Variants in C5 observed in about 807,000 individuals in gnomAD.
C5 encodes C3 and PZP-like alpha-2-macroglobulin domain-containing protein 4.
A neutral mutation model predicts 218.8 loss-of-function variants in C5; 140 were observed. The observed-to-expected ratio is 0.64, with a 90% CI of 0.56 to 0.74. The LOEUF (loss-of-function observed/expected upper bound fraction) is 0.74. C5 is among the 30% of genes least tolerant of loss of function. The pLI is 0.00. For missense variants in C5, 1,700 were observed against 1,969.6 expected (o/e 0.86, Z 2.59); for synonymous variants, 614 against 682.3 (o/e 0.90, Z 1.56).
intron 4 of C5, 141 bp from the exon 5 acceptor site, chr9:121,035,035 G>C: frequency 1.7e-6 from 1 of 589,814 alleles, no homozygotes; most frequent in East Asian, 2.8e-5. Flanking sequence ...TAAATATGAA[G>C]GATGAAGATC....
chr9:120,982,888 T>C lies in C5; in HGVS notation c.3231-74A>G, dbSNP rs1654325926. ...TTGACTTTCAATTAATTTATACAACTTTATTCTTTAAAAGAAAATAACATT... is the reference window on the plus strand; with the variant it reads ...TTGACTTTCAATTAATTTATACAACCTTATTCTTTAAAAGAAAATAACATT... On this transcript the variant is annotated intron_variant, in intron 25 of 40. Coordinates refer to ENST00000223642, the MANE Select transcript of C5 (RefSeq NM_001735.3). 4.9e-6 allele frequency: 4 copies of C among 815,108 alleles called. No individual in the cohort carries two copies. The South Asian group carries it at 6.4e-5, about 13-fold the overall frequency. 50.5% of individuals were successfully genotyped at this position (815,108 alleles called of 1,614,324 possible).
intron 4 of C5, among the ~76,000 whole-genome samples, chr9:121,035,884 A>G: frequency 6.6e-6 from 1 of 151,998 alleles, no homozygotes; most frequent in South Asian, 2.1e-4. Context: ...CCAGCCTACA[A>G]AAAAATGTTT....
intron 20 of C5, among the ~76,000 whole-genome samples, chr9:121,002,230 G>GTATATGTATATATATGTATATATGTA (rs2047170546): frequency 6.4e-5 from 3 of 47,214 alleles, no homozygotes; most frequent in African/African-American, 1.4e-4. Flanking sequence ...ATATATATAT[G>GTATATGTATATATATGTATATATGTA]TATATATGTA....
intron 32 of C5, among the ~76,000 whole-genome samples, chr9:120,969,391 A>G (rs2046893613): frequency 1.3e-5 from 2 of 152,202 alleles, no homozygotes; most frequent in Admixed American, 1.3e-4. Flanking sequence ...ATGTATTGGT[A>G]ATATGTTTGG....
chr9:120,960,110 C>T (rs757115107), intron 38 of C5, 138 bp downstream of exon 38: 3 of 656,262 alleles, frequency 4.6e-6, no homozygotes, highest in South Asian at 1.7e-5. Flanking sequence ...TGCTAAAAAT[C>T]GATGGCATTT....
rs772235074 is a variant in C5, at chr9:121,017,407, A to G, written c.1821T>C (p.Ser607=). Residue 607 remains serine (S), a synonymous_variant, in exon 14 of 41, where the codon AGT becomes AGC. Transcript: ENST00000223642. ...DSWVALAAVD[S]AVYGVQRGAK... is the part of the protein sequence containing the mutation. ...CTCCTCTTTGGACTCCATACACAGC[A>G]CTGTCCACTGCTGCTAATGCCACCC... is the stretch of plus-strand genomic sequence containing the variant. 15 of 1,614,022 alleles carry G rather than the reference A, an allele frequency of 9.3e-6. No homozygotes were observed. Among genetic ancestry groups the G allele is most frequent in the East Asian group, 2.2e-5 (1 of 44,882 alleles).
rs752630692 is a variant in C5 at position 121,027,152 on chromosome 9, C to T, written c.873+8G>A. ...GTAGGTGTGAGTGACTGTGTCTTAA[C>T]ATCTTACCATTGTGTTTTGCATTGC... On this transcript the variant is annotated splice_region_variant and intron_variant, in intron 8 of 40. Transcript: ENST00000223642. 47 of 1,453,448 alleles carry T rather than the reference C, an allele frequency of 3.2e-5. No homozygotes were observed. The South Asian group carries it at 4.6e-4, about 14-fold the overall frequency. 90.0% of individuals were successfully genotyped at this position (1,453,448 alleles called of 1,614,324 possible).
In C5 at chr9:120,952,767, G is replaced by A. The variant is rs765573116; in HGVS notation, c.5003C>T (p.Ala1668Val). Residue 1668 changes from alanine to valine, a missense_variant, in exon 41 of 41, where the codon GCC (alanine) becomes GTC (valine). Ala to Val is a moderately conservative substitution (Grantham distance 64). Transcript: ENST00000223642. ...QAFLANLDEF[A>V]EDIFLNGC Reference sequence around the variant, plus strand: ...GCATCCATTTAAAAAGATATCTTCGGCAAATTCATCTAAATTAGCTAAAAA... The same window carrying A: ...GCATCCATTTAAAAAGATATCTTCGACAAATTCATCTAAATTAGCTAAAAA... 2 of 1,613,594 alleles carry A rather than the reference G, an allele frequency of 1.2e-6. No individual in the cohort carries two copies. Among genetic ancestry groups the A allele is most frequent in the East Asian group, 4.5e-5 (2 of 44,864 alleles).
chr9:121,043,297 G>A (rs1270734827), intron 2 of C5, 131 bp from the exon 3 acceptor site: 1 of 753,064 alleles, frequency 1.3e-6, no homozygotes, highest in Non-Finnish European at 2.1e-6. Context: ...AGTGATACAG[G>A]AGCAAGAAGA....
In C5 at chr9:120,971,979, T is replaced by A. The variant is rs568473378; in HGVS notation, c.4031A>T (p.Asp1344Val). The change falls in exon 31 of 41, where the codon GAT (aspartate) becomes GTT (valine). Residue 1344 changes from aspartate (D) to valine (V), a missense_variant. By Grantham distance (152) the Asp-to-Val change is radical (BLOSUM62 -3). Transcript: ENST00000223642. ...AAATCCTGTACTGACAATGAGGTCA[T>A]CATTGAGAAGCACCTGGAAAGATAA... Reference protein sequence around the residue: ...LGRPVEVLLNDDLIVSTGFGS... With the variant: ...LGRPVEVLLNVDLIVSTGFGS... The A allele has an allele frequency of 6.2e-7, 1 of 1,612,974 alleles. No homozygotes were observed. Among genetic ancestry groups the A allele is most frequent in the Admixed American group, 1.7e-5 (1 of 60,024 alleles).
chr9:121,008,366 TA>T, intron 18 of C5, 41 bp downstream of exon 18: 1 of 1,449,246 alleles, frequency 6.9e-7, no homozygotes, highest in Non-Finnish European at 9.7e-7. Context: ...ATACTTGCAT[TA>T]TCCACATTTC....
intron 13 of C5, 57 bp downstream of exon 13, chr9:121,017,586 T>C (rs2047318878): frequency 6.2e-7 from 1 of 1,603,406 alleles, no homozygotes; most frequent in African/African-American, 1.3e-5. Context: ...GCTAAAACTT[T>C]GGCAGCCTCC....
intron 11 of C5, among the ~76,000 whole-genome samples, chr9:121,020,595 G>A (rs1390232232): frequency 1.3e-5 from 2 of 152,140 alleles, no homozygotes; most frequent in African/African-American, 2.4e-5. Context: ...AGCTATGAAC[G>A]AACATCTCAG....
At position 120,963,713 on chromosome 9, in the gene C5, A is replaced by G. The variant is rs2046845394; in HGVS notation, c.4246T>C (p.Ser1416Pro). ...ASYKPSREES[S>P]SGSSHAVMDI... is the part of the protein sequence containing the mutation. Reference sequence around the variant, plus strand: ...ATCACCGCATGAGAGGATCCAGATGATGATTCTTCCCTGCTGGGCTTGTAG... The same window carrying G: ...ATCACCGCATGAGAGGATCCAGATGGTGATTCTTCCCTGCTGGGCTTGTAG... Residue 1416 changes from serine (S) to proline (P), a missense_variant, in exon 34 of 41, where the codon TCA becomes CCA. Coordinates refer to ENST00000223642, the MANE Select transcript of C5 (RefSeq NM_001735.3). 6.2e-7 allele frequency: 1 copy of G among 1,613,476 alleles called. No individual in the cohort carries two copies. The highest frequency in any genetic ancestry group is 1.1e-5 in the South Asian group (1 of 91,072).
chr9:121,013,333 A>G, intron 17 of C5, among the ~76,000 whole-genome samples: 1 of 151,968 alleles, frequency 6.6e-6, no homozygotes, highest in East Asian at 1.9e-4. Flanking sequence ...AAAAAAAAAA[A>G]AAGACTATAT....
the C5 span, among the ~76,000 whole-genome samples, chr9:121,071,126 T>C: frequency 6.6e-6 from 1 of 151,806 alleles, no homozygotes; most frequent in African/African-American, 2.4e-5. Flanking sequence ...CTGATCAACA[T>C]GGTGAAGCAC....
intron 31 of C5, among the ~76,000 whole-genome samples, chr9:120,971,384 T>A (rs2046912244): frequency 1.3e-5 from 2 of 151,692 alleles, no homozygotes; most frequent in African/African-American, 4.8e-5. Context: ...AAATTATATA[T>A]CTCTATAAAT....
the C5 span, among the ~76,000 whole-genome samples, chr9:121,062,866 T>C: frequency 6.6e-6 from 1 of 152,164 alleles, no homozygotes; most frequent in African/African-American, 2.4e-5. Flanking sequence ...TGTACTATCA[T>C]GTGTTGCTTT....
chr9:120,995,193 T>C (rs1587967018), intron 22 of C5, among the ~76,000 whole-genome samples: 1 of 152,194 alleles, frequency 6.6e-6, no homozygotes. Flanking sequence ...GTGTAAAGGG[T>C]ATTAATTCTT....
Sources: allele counts gnomAD v4.1 joint callset (sites outside exome capture counted in the v4.1 genomes callset), GRCh38; gene constraint gnomAD v4.1.1; transcripts MANE v1.5; gene names NCBI Gene and HGNC (gene_info 2026-07-23, HGNC 2026-07-21).